Variants in PDE8B observed in about 807,000 individuals in gnomAD.
The protein encoded by PDE8B is high affinity cAMP-specific and IBMX-insensitive 3',5'-cyclic phosphodiesterase 8B.
A neutral mutation model predicts 101.3 loss-of-function variants in PDE8B; 26 were observed. The observed-to-expected ratio is 0.26, with a 90% CI of 0.19 to 0.36. The LOEUF is 0.36. Ranked by LOEUF, PDE8B falls within the 10% of genes least tolerant of loss-of-function variation. PDE8B has a pLI of 1.00. For synonymous variants in PDE8B, 424 were observed against 429.3 expected, an observed-to-expected ratio of 0.99 and a Z score of 0.15; for missense variants, 810 against 1,163.1, an observed-to-expected ratio of 0.70 and a Z score of 4.42.
chr5:77,117,469 A>T, the PDE8B span, among the ~76,000 whole-genome samples: 214 of 152,266 alleles, frequency 1.4e-3, 1 homozygote, highest in Admixed American at 3.6e-3. Context: ...TACCATGAAG[A>T]CAGGGTCTCA....
chr5:77,421,657 G>A (rs1357026443), intron 19 of PDE8B, among the ~76,000 whole-genome samples, 164 bp from the exon 20 acceptor site: 1 of 152,094 alleles, frequency 6.6e-6, no homozygotes. Flanking sequence ...TTTAAAGAAT[G>A]TGTCAGTATA....
intron 1 of PDE8B, among the ~76,000 whole-genome samples, chr5:77,267,950 A>G (rs1762078676): frequency 6.6e-6 from 1 of 152,196 alleles, no homozygotes; most frequent in African/African-American, 2.4e-5. Flanking sequence ...CATACCAATG[A>G]ACAGATTCCT....
At chr5:77,087,466 GC>G in the PDE8B span, 1 of 152,252 alleles carries the variant, frequency 6.6e-6, no homozygotes, top group Admixed American at 6.5e-5. Context: ...GAGTCTCAGA[GC>G]GCGGTTTGCA....
At chr5:77,415,451 A>G (rs1330883848) in intron 17 of PDE8B, among the ~76,000 whole-genome samples, 1 of 141,046 alleles carries the variant, frequency 7.1e-6, no homozygotes, top group Non-Finnish European at 1.5e-5. Context: ...TCTGCCTCCC[A>G]GGTTCAAGCG....
chr5:77,352,607 C>G (rs530382833), intron 9 of PDE8B, among the ~76,000 whole-genome samples: 1 of 152,142 alleles, frequency 6.6e-6, no homozygotes, highest in Non-Finnish European at 1.5e-5. Context: ...ATTTTATATC[C>G]TCTTTTCAGA....
chr5:77,353,216 G>T (rs1781473388), intron 9 of PDE8B, 130 bp from the exon 10 acceptor site: 2 of 689,010 alleles, frequency 2.9e-6, no homozygotes, highest in African/African-American at 1.8e-5. Context: ...ATTGAGTCTT[G>T]CTTGAATTTT....
At chr5:77,289,296 T>C (rs2149922661) in intron 1 of PDE8B, among the ~76,000 whole-genome samples, 1 of 152,250 alleles carries the variant, frequency 6.6e-6, no homozygotes, top group East Asian at 1.9e-4. Context: ...TCTTCCAGAA[T>C]TGCTTGTAAA....
chr5:77,377,482 C>T (rs563996793), intron 10 of PDE8B, among the ~76,000 whole-genome samples: 27 of 152,304 alleles, frequency 1.8e-4, no homozygotes, highest in African/African-American at 5.5e-4. Context: ...ATATAAAGAC[C>T]GGCTTAAAAG....
chr5:77,215,578 A>G (rs915760206), intron 1 of PDE8B, among the ~76,000 whole-genome samples: 1 of 152,214 alleles, frequency 6.6e-6, no homozygotes, highest in African/African-American at 2.4e-5. Context: ...GCCAGGATGT[A>G]ACATAGTATA....
intron 1 of PDE8B, among the ~76,000 whole-genome samples, chr5:77,230,711 C>T (rs961476250): frequency 1.3e-5 from 2 of 152,136 alleles, no homozygotes; most frequent in Non-Finnish European, 2.9e-5. Flanking sequence ...TCTCAAAGTG[C>T]TGGGATTACA....
chr5:77,361,637 C>T (rs891252341), intron 10 of PDE8B, among the ~76,000 whole-genome samples: 1 of 151,998 alleles, frequency 6.6e-6, no homozygotes, highest in African/African-American at 2.4e-5. Context: ...GCCTCAGCCT[C>T]CCAAGTAGCT....
At chr5:77,182,044 G>T in the PDE8B span, among the ~76,000 whole-genome samples, 1 of 135,600 alleles carries the variant, frequency 7.4e-6, no homozygotes, top group African/African-American at 3.0e-5. Flanking sequence ...CAAGAGCATG[G>T]ATTGGAGGCC....
At chr5:77,418,706 C>T (rs999549057) in intron 18 of PDE8B, among the ~76,000 whole-genome samples, 1 of 152,160 alleles carries the variant, frequency 6.6e-6, no homozygotes, top group Non-Finnish European at 1.5e-5. Context: ...TTACTAAGTA[C>T]ACCAGATATT....
intron 17 of PDE8B, among the ~76,000 whole-genome samples, chr5:77,416,485 A>G (rs544474080): frequency 1.3e-5 from 2 of 152,294 alleles, no homozygotes; most frequent in Admixed American, 1.3e-4. Context: ...GCCTCTCCTG[A>G]CCAGCAGTGA....
intron 1 of PDE8B, among the ~76,000 whole-genome samples, chr5:77,288,740 T>G (rs1766590375): frequency 1.3e-5 from 2 of 152,122 alleles, no homozygotes; most frequent in South Asian, 4.1e-4. Context: ...AGAGATGGTG[T>G]GATTTGTCCA....
At chr5:77,156,906 T>C in the PDE8B span, among the ~76,000 whole-genome samples, 1 of 152,228 alleles carries the variant, frequency 6.6e-6, no homozygotes, top group African/African-American at 2.4e-5. Context: ...GGCTGGAGGA[T>C]GGGAGAAGAG....
At chr5:77,293,741 G>A (rs573429698) in intron 1 of PDE8B, among the ~76,000 whole-genome samples, 2 of 152,184 alleles carry the variant, frequency 1.3e-5, no homozygotes, top group South Asian at 2.1e-4. Flanking sequence ...GTTTTAGTCT[G>A]CATGCTTGCC....
chr5:77,281,072 T>A (rs1764882672), intron 1 of PDE8B, among the ~76,000 whole-genome samples: 2 of 152,206 alleles, frequency 1.3e-5, no homozygotes, highest in South Asian at 4.1e-4. Flanking sequence ...GTGGAATGCA[T>A]GCGCAAGCCC....
At chr5:77,233,654 C>CTGTG (rs72346580) in intron 1 of PDE8B, among the ~76,000 whole-genome samples, 5,867 of 138,188 alleles carry the variant, frequency 0.042, 209 homozygotes, top group East Asian at 0.17. Context: ...CCCTGAAGCT[C>CTGTG]TGTGTGTGTG....
Sources: gnomAD v4.1 joint callset for allele counts (sites outside exome capture counted in the v4.1 genomes callset) on GRCh38, gnomAD v4.1.1 for gene constraint, MANE v1.5 for transcripts, NCBI Gene and HGNC (gene_info 2026-07-23, HGNC 2026-07-21) for gene names.